Variants in AVL9 observed in about 807,000 individuals in gnomAD.
The protein encoded by AVL9 is late secretory pathway protein AVL9 homolog.
AVL9 carries 49 observed loss-of-function variants against 79.2 expected under a neutral mutation model. The ratio of observed to expected loss-of-function variants is 0.62; its 90% confidence interval spans 0.49 to 0.79. The LOEUF is 0.79. AVL9 is among the 30% of genes least tolerant of loss of function. The probability of loss-of-function intolerance (pLI) is 0.00; values close to 1 mark genes in which losing one functional copy is unlikely to be tolerated. For synonymous variants in AVL9, 299 were observed against 280.6 expected (o/e 1.07, Z -0.65); for missense variants, 682 against 776.8 (o/e 0.88, Z 1.45).
intron 5 of AVL9, among the ~76,000 whole-genome samples, chr7:32,551,917 G>A (rs895159058): frequency 1.3e-5 from 2 of 152,048 alleles, no homozygotes; most frequent in Non-Finnish European, 2.9e-5. Context: ...CTTAGCAAGG[G>A]AGCAGAGGGG....
intron 1 of AVL9, among the ~76,000 whole-genome samples, chr7:32,506,174 A>T (rs1274769041): frequency 1.3e-5 from 2 of 152,184 alleles, no homozygotes; most frequent in East Asian, 3.8e-4. Flanking sequence ...TTAATTTAAA[A>T]TGTTTCGACT....
chr7:32,529,418 T>C (rs1388949689), intron 1 of AVL9, among the ~76,000 whole-genome samples: 4 of 152,240 alleles, frequency 2.6e-5, no homozygotes, highest in African/African-American at 4.8e-5. Context: ...GTGAAGTACA[T>C]GGCACCTAGA....
intron 6 of AVL9, among the ~76,000 whole-genome samples, chr7:32,552,523 CTT>C (rs1372004580): frequency 2.8e-5 from 4 of 143,204 alleles, no homozygotes; most frequent in East Asian, 2.0e-4. Context: ...GAATTTCTGC[CTT>C]TTTTTTTTTT....
At chr7:32,505,070 C>T (rs1787346431) in intron 1 of AVL9, among the ~76,000 whole-genome samples, 1 of 151,432 alleles carries the variant, frequency 6.6e-6, no homozygotes, top group Non-Finnish European at 1.5e-5. Context: ...AACAGGGTTT[C>T]ACCATGTTGG....
chr7:32,570,887 C>G (rs1287494989), intron 11 of AVL9, among the ~76,000 whole-genome samples: 1 of 145,448 alleles, frequency 6.9e-6, no homozygotes, highest in African/African-American at 2.5e-5. Flanking sequence ...TCCCCAAGTG[C>G]TGGGATTACA....
chr7:32,575,219 C>G (rs1791034990), intron 12 of AVL9, among the ~76,000 whole-genome samples: 1 of 152,128 alleles, frequency 6.6e-6, no homozygotes, highest in African/African-American at 2.4e-5. Context: ...TTACCTCAGC[C>G]TCCCGAGTAG....
chr7:32,547,368 TTC>T (rs1411394902), intron 3 of AVL9, among the ~76,000 whole-genome samples: 4 of 152,248 alleles, frequency 2.6e-5, no homozygotes, highest in Non-Finnish European at 5.9e-5. Flanking sequence ...GTTAGTTATG[TTC>T]TTTTGCTACT....
intron 8 of AVL9, among the ~76,000 whole-genome samples, chr7:32,555,213 T>A (rs1264049705): frequency 1.3e-5 from 2 of 152,036 alleles, no homozygotes; most frequent in Non-Finnish European, 2.9e-5. Context: ...TGTGGTGGCA[T>A]GTGCCTGTAG....
At chr7:32,502,172 T>C (rs981480018) in intron 1 of AVL9, among the ~76,000 whole-genome samples, 2 of 152,060 alleles carry the variant, frequency 1.3e-5, no homozygotes, top group African/African-American at 4.8e-5. Context: ...GAGACCAGCC[T>C]GGGCAACATA....
intron 1 of AVL9, among the ~76,000 whole-genome samples, chr7:32,527,992 C>A (rs1788478295): frequency 6.6e-6 from 1 of 152,176 alleles, no homozygotes; most frequent in Admixed American, 6.5e-5. Flanking sequence ...GACCTTAAAT[C>A]TGACAAACAT....
chr7:32,586,473 CA>C lies in AVL9; in HGVS notation c.*2567del, dbSNP rs879010778. ...CCCTGGTCCTGTGACCCCCCCCCCC[CA>C]CACACACACATACTTCAGGCTTGGA... On this transcript the variant is annotated 3_prime_UTR_variant, in exon 16 of 16. Transcript: ENST00000318709. 212 of 94,364 alleles carry C rather than the reference CA, an allele frequency of 2.2e-3. No homozygotes were observed. Among genetic ancestry groups the C allele is most frequent in the Middle Eastern group, 0.02 (4 of 200 alleles). The allele number at this position is 94,364 out of a possible 1,614,324, so 5.8% of individuals were successfully genotyped here.
chr7:32,543,793 C>T (rs142125452), intron 2 of AVL9, among the ~76,000 whole-genome samples: 1 of 152,314 alleles, frequency 6.6e-6, no homozygotes, highest in Non-Finnish European at 1.5e-5. Flanking sequence ...TCTCTTACCA[C>T]CCTATAACTG....
chr7:32,527,817 C>G (rs536737314), intron 1 of AVL9, among the ~76,000 whole-genome samples: 1 of 152,086 alleles, frequency 6.6e-6, no homozygotes, highest in East Asian at 1.9e-4. Flanking sequence ...AAAGTGTGTT[C>G]CACCCACCCA....
intron 10 of AVL9, among the ~76,000 whole-genome samples, chr7:32,560,284 CTT>C (rs1583577415): frequency 1.3e-5 from 2 of 151,142 alleles, no homozygotes; most frequent in Admixed American, 6.6e-5. Context: ...GTGAATAAAA[CTT>C]AAATAATAAT....
chr7:32,504,521 T>G (rs888265276), intron 1 of AVL9, among the ~76,000 whole-genome samples: 9 of 152,218 alleles, frequency 5.9e-5, no homozygotes, highest in Non-Finnish European at 8.8e-5. Context: ...GATGTAAGTT[T>G]GGACCTAATT....
intron 1 of AVL9, chr7:32,538,107 A>T (rs1019072162): frequency 6.6e-6 from 1 of 152,250 alleles, no homozygotes; most frequent in African/African-American, 2.4e-5. Context: ...AGCTAGAACC[A>T]TCTAAAACTG....
intron 1 of AVL9, chr7:32,536,371 T>C (rs999669466): frequency 2.3e-4 from 35 of 152,210 alleles, no homozygotes; most frequent in African/African-American, 8.4e-4. Flanking sequence ...AAGAGTCTCA[T>C]GTTAACTTCC....
chr7:32,516,397 T>A (rs943703770), intron 1 of AVL9, among the ~76,000 whole-genome samples: 1 of 152,178 alleles, frequency 6.6e-6, no homozygotes, highest in Non-Finnish European at 1.5e-5. Flanking sequence ...CTTGATTGGC[T>A]TCTCTGGGCA....
chr7:32,586,577 C>G lies in AVL9; in HGVS notation c.*2670C>G, dbSNP rs1791799830. 1 of 152,162 alleles carries G rather than the reference C, an allele frequency of 6.6e-6. No individual in the cohort carries two copies. Among genetic ancestry groups the G allele is most frequent in the African/African-American group, 2.4e-5 (1 of 41,420 alleles). The allele number at this position is 152,162 out of a possible 1,614,324, so 9.4% of individuals were successfully genotyped here. A position where few individuals can be genotyped will look rare whatever the true frequency, so the allele number is the denominator to read the frequency against. On this transcript the variant is annotated 3_prime_UTR_variant, in exon 16 of 16. Transcript: ENST00000318709. ...GCTCTGTGAGCCATAGGAACCAGCA[C>G]TAGGTCATCTTCTGACATAGCCCTG... is the stretch of plus-strand genomic sequence containing the variant.
Sources: allele counts gnomAD v4.1 joint callset (sites outside exome capture counted in the v4.1 genomes callset), GRCh38; gene constraint gnomAD v4.1.1; transcripts MANE v1.5; gene names NCBI Gene and HGNC (gene_info 2026-07-23, HGNC 2026-07-21).